The following LAMP5 variants were observed in gnomAD, a reference collection of about 807,000 sequenced individuals.
LAMP5 encodes lysosome-associated membrane glycoprotein 5.
A neutral mutation model predicts 30.2 loss-of-function variants in LAMP5; 36 were observed. The ratio of observed to expected loss-of-function variants is 1.19; its 90% CI spans 0.91 to 1.57. The LOEUF (loss-of-function observed/expected upper bound fraction) is 1.57, where lower values mean the gene tolerates loss of function less well. Ranked by LOEUF, LAMP5 falls within the 40% of genes most tolerant of loss-of-function variation. The probability of loss-of-function intolerance (pLI) is 0.00; values close to 1 mark genes in which losing one functional copy is unlikely to be tolerated. For synonymous variants in LAMP5, 149 were observed against 134.6 expected, an observed-to-expected ratio of 1.11 and a Z score of -0.74; for missense variants, 377 against 354.9, an observed-to-expected ratio of 1.06 and a Z score of -0.50.
rs1284152948 is a variant in LAMP5 at position 9,526,878 on chromosome 20, A to G, written c.665-2764A>G. 2.2e-4 allele frequency among the ~76,000 whole-genome samples: 25 copies of G among 111,360 alleles called. No individual in the cohort carries two copies. The East Asian group carries it at 7.7e-3, about 34-fold the overall frequency. The allele number at this position is 111,360 out of a possible 152,430, so 73.1% of individuals were successfully genotyped here. A position where few individuals can be genotyped will look rare whatever the true frequency, so the allele number is the denominator to read the frequency against. ...TGTGTGTGTATATATATATATATAT[A>G]TATATATATATATATATATATATAC... On this transcript the variant is annotated intron_variant, in intron 5 of 5. Transcript: ENST00000246070.
intron 5 of LAMP5, among the ~76,000 whole-genome samples, chr20:9,526,669 A>G (rs1487803031): frequency 1.3e-5 from 2 of 152,048 alleles, no homozygotes; most frequent in African/African-American, 4.8e-5. Flanking sequence ...AGTGGGGGGA[A>G]AAGTTTCCTG....
intron 2 of LAMP5, 146 bp from the exon 3 acceptor site, chr20:9,515,854 A>G: frequency 9.9e-7 from 1 of 1,014,638 alleles, no homozygotes; most frequent in Non-Finnish European, 1.4e-6. Flanking sequence ...CACGTAGAGC[A>G]TCTAACCGCA....
intron 5 of LAMP5, among the ~76,000 whole-genome samples, chr20:9,524,684 ATACAGTGCAC>A (rs2045101578): frequency 6.6e-6 from 1 of 151,902 alleles, no homozygotes; most frequent in African/African-American, 2.4e-5. Context: ...TAGGAAGACT[ATACAGTGCAC>A]AATTTATATA....
chr20:9,515,978 C>T (rs1394755577), intron 2 of LAMP5, 22 bp from the exon 3 acceptor site: 4 of 1,484,386 alleles, frequency 2.7e-6, no homozygotes, highest in Non-Finnish European at 3.6e-6. Flanking sequence ...GCTGAGGGGG[C>T]GCGGGGCGTC....
chr20:9,516,593 T>C (rs751191558), intron 4 of LAMP5, among the ~76,000 whole-genome samples: 1 of 152,164 alleles, frequency 6.6e-6, no homozygotes, highest in Non-Finnish European at 1.5e-5. Context: ...ACGTCACCCG[T>C]GGCCTGATCC....
intron 4 of LAMP5, 141 bp downstream of exon 4, chr20:9,516,502 C>T: frequency 2.8e-6 from 2 of 715,236 alleles, no homozygotes; most frequent in Non-Finnish European, 4.7e-6. Context: ...CTCTTTAGGG[C>T]GGAAGAGGCG....
At chr20:9,525,952 C>T (rs1219432101) in intron 5 of LAMP5, among the ~76,000 whole-genome samples, 1 of 152,132 alleles carries the variant, frequency 6.6e-6, no homozygotes, top group Non-Finnish European at 1.5e-5. Flanking sequence ...TGATTGTTTG[C>T]CTGGGTAACT....
In LAMP5 at chr20:9,514,760, T is replaced by G; in HGVS notation, c.-93T>G. On this transcript the variant is annotated 5_prime_UTR_variant, in exon 1 of 6. Coordinates refer to ENST00000246070, the MANE Select transcript of LAMP5 (RefSeq NM_012261.4). ...CCCTTCTCTGTCCCCCGCCTCTCGC[T>G]CACCCCGGCCCACTCCAGCGGCGAC... 8.8e-7 allele frequency: 1 copy of G among 1,131,662 alleles called. No homozygotes were observed. The highest frequency in any genetic ancestry group is 1.3e-6 in the Non-Finnish European group (1 of 759,962). 70.1% of individuals were successfully genotyped at this position (1,131,662 alleles called of 1,614,324 possible).
intron 5 of LAMP5, among the ~76,000 whole-genome samples, chr20:9,523,720 G>A (rs1252179864): frequency 6.6e-6 from 1 of 152,074 alleles, no homozygotes; most frequent in Non-Finnish European, 1.5e-5. Context: ...AAGGCATGAG[G>A]GATCCTAAGT....
intron 3 of LAMP5, 32 bp from the exon 4 acceptor site, chr20:9,516,224 G>A: frequency 1.9e-6 from 3 of 1,613,560 alleles, no homozygotes; most frequent in Non-Finnish European, 2.5e-6. Context: ...ACGCTGCGGG[G>A]ACGATTGAAG....
In LAMP5 at chr20:9,516,252, A is replaced by G; in HGVS notation, c.370-4A>G. 1 of 1,614,132 alleles carries G rather than the reference A, an allele frequency of 6.2e-7. No homozygotes were observed. The highest frequency in any genetic ancestry group is 8.5e-7 in the Non-Finnish European group (1 of 1,179,966). On this transcript the variant is annotated splice_region_variant and splice_polypyrimidine_tract_variant and intron_variant, in intron 3 of 5. Transcript: ENST00000246070. ...GATTGAAGCGCACCTCCCCGGCTCAACAGGAAAGCCACAACATGTCCAAGG... is the reference window on the plus strand; with the variant it reads ...GATTGAAGCGCACCTCCCCGGCTCAGCAGGAAAGCCACAACATGTCCAAGG...
intron 5 of LAMP5, among the ~76,000 whole-genome samples, chr20:9,519,798 T>C (rs957560279): frequency 6.6e-6 from 1 of 152,256 alleles, no homozygotes; most frequent in Admixed American, 6.5e-5. Context: ...TAGTTTTTGC[T>C]GATTAGCTGT....
intron 5 of LAMP5, among the ~76,000 whole-genome samples, chr20:9,523,249 T>C (rs1320855872): frequency 6.6e-6 from 1 of 152,064 alleles, no homozygotes; most frequent in Non-Finnish European, 1.5e-5. Flanking sequence ...CGTCAAACCC[T>C]TTCTCTATCT....
Sources: allele counts gnomAD v4.1 joint callset (sites outside exome capture counted in the v4.1 genomes callset), GRCh38; gene constraint gnomAD v4.1.1; transcripts MANE v1.5; gene names NCBI Gene and HGNC (gene_info 2026-07-23, HGNC 2026-07-21).